Variants in OR51B5 observed in about 807,000 individuals in gnomAD.
OR51B5 encodes olfactory receptor family 51 subfamily B member 5.
For missense variants in OR51B5, 456 were observed against 374.6 expected, an observed-to-expected ratio of 1.22 and a Z score of -1.79; for synonymous variants, 186 against 144.8, an observed-to-expected ratio of 1.28 and a Z score of -2.04.
At chr11:5,360,468 G>C (rs144082487) in intron 1 of OR51B5, among the ~76,000 whole-genome samples, 6 of 149,198 alleles carry the variant, frequency 4.0e-5, no homozygotes, top group Admixed American at 3.3e-4. Context: ...TTAGAATGGC[G>C]ATCATTAAAA....
chr11:5,388,805 T>C (rs965593782), intron 1 of OR51B5, among the ~76,000 whole-genome samples: 2 of 152,024 alleles, frequency 1.3e-5, no homozygotes, highest in African/African-American at 4.8e-5. Flanking sequence ...TGAATTAGAA[T>C]AGCATCAATG....
rs563625394 is a variant in OR51B5, at chr11:5,423,390, G to A, written n.85-76480C>T. Reference sequence around the variant, plus strand: ...AGCACATCTTAGCAGCTATCCCAACGGGAGGATTTTAATGGATTGAGTAAA... The same window carrying A: ...AGCACATCTTAGCAGCTATCCCAACAGGAGGATTTTAATGGATTGAGTAAA... On this transcript the variant is annotated intron_variant and non_coding_transcript_variant, in intron 1 of 4. Transcript: ENST00000415970. Among the ~76,000 whole-genome samples, 3 of 152,242 alleles carry A rather than the reference G, an allele frequency of 2.0e-5. No homozygotes were observed. In the South Asian group the frequency reaches 6.2e-4, roughly 32 times the overall value.
At chr11:5,476,322 A>G (rs560103912) in intron 1 of OR51B5, among the ~76,000 whole-genome samples, 5 of 152,230 alleles carry the variant, frequency 3.3e-5, no homozygotes, top group African/African-American at 1.2e-4. Context: ...TGTGAGTTAA[A>G]TAACTTATCT....
At chr11:5,397,803 A>C (rs1280785475) in intron 1 of OR51B5, among the ~76,000 whole-genome samples, 77 of 151,324 alleles carry the variant, frequency 5.1e-4, no homozygotes, top group African/African-American at 1.7e-3. Context: ...AACCAACCCA[A>C]ATGTCCAACA....
intron 1 of OR51B5, among the ~76,000 whole-genome samples, chr11:5,468,250 G>A (rs1851167932): frequency 6.6e-6 from 1 of 152,212 alleles, no homozygotes; most frequent in Non-Finnish European, 1.5e-5. Context: ...TCTCTTTCTT[G>A]TTGGGTCTGA....
intron 1 of OR51B5, among the ~76,000 whole-genome samples, chr11:5,445,437 C>G (rs1181197535): frequency 6.6e-6 from 1 of 152,084 alleles, no homozygotes; most frequent in South Asian, 2.1e-4. Flanking sequence ...ACTCCTTTTA[C>G]TCCATTACTA....
intron 1 of OR51B5, among the ~76,000 whole-genome samples, chr11:5,394,834 C>G (rs573543760): frequency 2.0e-4 from 30 of 152,164 alleles, no homozygotes; most frequent in Non-Finnish European, 3.5e-4. Flanking sequence ...GAGTTTGTGT[C>G]TTATTAATGC....
At chr11:5,429,885 G>A (rs925475067) in intron 1 of OR51B5, among the ~76,000 whole-genome samples, 4 of 152,148 alleles carry the variant, frequency 2.6e-5, no homozygotes, top group Non-Finnish European at 4.4e-5. Flanking sequence ...AGAATCTGTA[G>A]CCTGGGCATT....
chr11:5,406,593 G>A (rs1850061159), intron 1 of OR51B5, among the ~76,000 whole-genome samples: 1 of 152,106 alleles, frequency 6.6e-6, no homozygotes, highest in East Asian at 1.9e-4. Flanking sequence ...GCTAAGCATG[G>A]AGCTAAATTA....
At chr11:5,360,457 G>C (rs1184103366) in intron 1 of OR51B5, among the ~76,000 whole-genome samples, 3 of 151,078 alleles carry the variant, frequency 2.0e-5, no homozygotes, top group East Asian at 3.9e-4. Flanking sequence ...TCTCACACCA[G>C]TTAGAATGGC....
intron 1 of OR51B5, among the ~76,000 whole-genome samples, chr11:5,500,860 A>G (rs1417956643): frequency 6.7e-6 from 1 of 148,166 alleles, no homozygotes; most frequent in East Asian, 2.0e-4. Context: ...CATAGCATGC[A>G]TATCCCAGGT....
At chr11:5,489,665 T>C (rs778280842) in intron 1 of OR51B5, 2 of 1,595,970 alleles carry the variant, frequency 1.3e-6, no homozygotes, top group Non-Finnish European at 1.7e-6. Flanking sequence ...TCAATATGAA[T>C]GCTGAGCAGA....
At chr11:5,357,466 G>A (rs1052308909) in intron 1 of OR51B5, among the ~76,000 whole-genome samples, 20 of 151,896 alleles carry the variant, frequency 1.3e-4, no homozygotes, top group African/African-American at 4.6e-4. Flanking sequence ...GAACACCCAG[G>A]TTCATAAAGC....
intron 1 of OR51B5, chr11:5,488,936 G>A: frequency 6.2e-7 from 1 of 1,614,048 alleles, no homozygotes; most frequent in Non-Finnish European, 8.5e-7. Context: ...CTGGCTCTCA[G>A]TTCTACCACT....
At chr11:5,343,020 A>G in exon 1 of OR51B5, 1 of 1,613,886 alleles carries the variant, frequency 6.2e-7, no homozygotes, top group African/African-American at 1.3e-5. Context: ...AGAACATGGG[A>G]GTGACAATAC....
rs1258459689 is a variant in OR51B5 at position 5,423,897 on chromosome 11, A to AT, written n.85-76988dup. Among the ~76,000 whole-genome samples the AT allele has an allele frequency of 7.2e-5, 11 of 151,744 alleles. No individual in the cohort carries two copies. The East Asian group carries it at 1.6e-3, about 21-fold the overall frequency. On this transcript the variant is annotated intron_variant and non_coding_transcript_variant, in intron 1 of 4. Transcript: ENST00000415970. ...TTCTTTCTTGTGGGAAGAAAAACTC[A>AT]TTTTTTTTCCGGACCAGAGCAGACT...
downstream of OR51B5, chr11:5,340,540 A>G (rs538499617): frequency 1.3e-5 from 2 of 151,660 alleles, no homozygotes; most frequent in Non-Finnish European, 2.9e-5. Flanking sequence ...TGCGGTTAGG[A>G]GTTTGGAGAT....
intron 1 of OR51B5, among the ~76,000 whole-genome samples, chr11:5,360,709 C>T (rs1194952116): frequency 6.6e-6 from 1 of 151,480 alleles, no homozygotes; most frequent in Non-Finnish European, 1.5e-5. Context: ...TATTGTGGCA[C>T]TATTCACAAT....
At chr11:5,422,970 T>C (rs1364463757) in intron 1 of OR51B5, 14 of 1,614,118 alleles carry the variant, frequency 8.7e-6, no homozygotes, top group Middle Eastern at 1.6e-4. Context: ...TACATTCCCA[T>C]GGTTGGTGTA....
Sources: allele counts gnomAD v4.1 joint callset (sites outside exome capture counted in the v4.1 genomes callset), GRCh38; gene constraint gnomAD v4.1.1; transcripts MANE v1.5; gene names NCBI Gene and HGNC (gene_info 2026-07-23, HGNC 2026-07-21).